ARHGEF4: variants seen among roughly 807,000 people sequenced by gnomAD.
ARHGEF4 encodes Rho guanine nucleotide exchange factor 4.
ARHGEF4 carries 119 observed loss-of-function variants against 162.0 expected under a neutral mutation model. The observed-to-expected ratio is 0.73, with a 90% CI of 0.63 to 0.86. The LOEUF (loss-of-function observed/expected upper bound fraction) is 0.86, where lower values mean the gene tolerates loss of function less well. ARHGEF4 is among the 40% of genes least tolerant of loss of function. The pLI is 0.00. For synonymous variants in ARHGEF4, 1,014 were observed against 979.9 expected (o/e 1.03, Z -0.65); for missense variants, 2,488 against 2,456.0 (o/e 1.01, Z -0.28).
intron 4 of ARHGEF4, among the ~76,000 whole-genome samples, chr2:130,966,672 G>T (rs969002408): frequency 2.6e-4 from 40 of 152,202 alleles, no homozygotes; most frequent in Admixed American, 2.5e-3. Flanking sequence ...GCAGCATGCC[G>T]GTCCGGTGGT....
chr2:131,029,903 C>T lies in ARHGEF4; in HGVS notation c.4125+1819C>T, dbSNP rs138912365. ...AGGCTGCCTCCTCCATCTTGGGGCTCGGTCCAGCAGGGGGACCCCGAGGGG... is the reference window on the plus strand; with the variant it reads ...AGGCTGCCTCCTCCATCTTGGGGCTTGGTCCAGCAGGGGGACCCCGAGGGG... On this transcript the variant is annotated intron_variant, in intron 5 of 13. Transcript: ENST00000409359. 1.9e-3 allele frequency among the ~76,000 whole-genome samples: 291 copies of T among 152,312 alleles called. 1 individual carries two copies. The highest frequency in any genetic ancestry group is 3.4e-3 in the Non-Finnish European group (232 of 68,036).
intron 1 of ARHGEF4, among the ~76,000 whole-genome samples, chr2:130,856,365 T>G (rs1158859604): frequency 6.6e-6 from 1 of 152,080 alleles, no homozygotes; most frequent in Non-Finnish European, 1.5e-5. Flanking sequence ...TTGGACACTA[T>G]TAAGTGCACC....
chr2:130,997,766 G>A (rs557642942), intron 4 of ARHGEF4, among the ~76,000 whole-genome samples: 3 of 152,276 alleles, frequency 2.0e-5, no homozygotes, highest in African/African-American at 7.2e-5. Flanking sequence ...AATGATTGAT[G>A]TGTTAGGGAA....
chr2:130,957,702 G>A (rs1239878258), intron 4 of ARHGEF4, among the ~76,000 whole-genome samples: 2 of 152,080 alleles, frequency 1.3e-5, no homozygotes, highest in African/African-American at 4.8e-5. Context: ...CATGAAGGTG[G>A]ATCCTTCATG....
chr2:130,923,527 T>C lies in ARHGEF4; in HGVS notation c.3552+6029T>C, dbSNP rs1040543517. Among the ~76,000 whole-genome samples, 9 of 152,222 alleles carry C rather than the reference T, an allele frequency of 5.9e-5. No individual in the cohort carries two copies. The East Asian group carries it at 1.5e-3, about 26-fold the overall frequency. ...CATCAAGTCGATAAACTGAGCTCGCTGAGTGCCACTTGTGGGCGGGCAATG... is the reference window on the plus strand; with the variant it reads ...CATCAAGTCGATAAACTGAGCTCGCCGAGTGCCACTTGTGGGCGGGCAATG... On this transcript the variant is annotated intron_variant, in intron 2 of 13. Coordinates refer to ENST00000409359, the MANE Select transcript of ARHGEF4 (RefSeq NM_001367493.1).
chr2:130,847,305 T>A (rs1681052022), intron 1 of ARHGEF4, among the ~76,000 whole-genome samples: 2 of 152,084 alleles, frequency 1.3e-5, no homozygotes, highest in South Asian at 2.1e-4. Flanking sequence ...CTTGAATCGC[T>A]TTTCACCTGG....
chr2:130,905,109 A>AT (rs35754721), intron 1 of ARHGEF4, among the ~76,000 whole-genome samples: 3 of 151,828 alleles, frequency 2.0e-5, no homozygotes, highest in African/African-American at 4.8e-5. Flanking sequence ...AGTATTATTT[A>AT]TTTTTTTTTA....
chr2:130,883,945 A>G (rs1679352081), intron 1 of ARHGEF4, among the ~76,000 whole-genome samples: 1 of 152,094 alleles, frequency 6.6e-6, no homozygotes, highest in Non-Finnish European at 1.5e-5. Flanking sequence ...TGAGCATTAA[A>G]TGAGTGAATT....
Position 131,043,540 on chromosome 2 carries a change from G to C in ARHGEF4, c.5114G>C (p.Arg1705Pro). Reference sequence around the variant, plus strand: ...CAGCCTCAAGCCAAAAGCCAGCAGCGAATGTTCTTTCTCTTTGACCACCAG... The same window carrying C: ...CAGCCTCAAGCCAAAAGCCAGCAGCCAATGTTCTTTCTCTTTGACCACCAG... ...VTQPQAKSQQ[R>P]MFFLFDHQLI... The change falls in exon 11 of 14, where the codon CGA becomes CCA. Residue 1705 changes from arginine (R) to proline (P), a missense_variant. Transcript: ENST00000409359. The C allele has an allele frequency of 6.2e-7, 1 of 1,614,088 alleles. No homozygotes were observed. Among genetic ancestry groups the C allele is most frequent in the South Asian group, 1.1e-5 (1 of 91,080 alleles).
intron 2 of ARHGEF4, among the ~76,000 whole-genome samples, chr2:130,922,866 G>A (rs1420796608): frequency 6.7e-5 from 10 of 150,290 alleles, no homozygotes; most frequent in Non-Finnish European, 1.3e-4. Context: ...TTGCATTGTG[G>A]GTAAATGTGC....
At chr2:131,025,194 G>A (rs1689400197) in intron 4 of ARHGEF4, among the ~76,000 whole-genome samples, 1 of 152,172 alleles carries the variant, frequency 6.6e-6, no homozygotes, top group Non-Finnish European at 1.5e-5. Context: ...GAAGGTGAAG[G>A]GGAAGCAAGT....
At chr2:130,844,140 C>T (rs1056266959) in intron 1 of ARHGEF4, among the ~76,000 whole-genome samples, 4 of 152,266 alleles carry the variant, frequency 2.6e-5, no homozygotes, top group Admixed American at 1.3e-4. Flanking sequence ...TTGCTTCTCC[C>T]GCTGAGCGCA....
At position 130,940,840 on chromosome 2, in the gene ARHGEF4, A is replaced by G. The variant is rs1477255782; in HGVS notation, c.3859-5669A>G. Among the ~76,000 whole-genome samples, 12 of 89,084 alleles carry G rather than the reference A, an allele frequency of 1.3e-4. No individual in the cohort carries two copies. In the East Asian group the frequency reaches 6.7e-3, roughly 50 times the overall value. The allele number at this position is 89,084 out of a possible 152,430, so 58.4% of individuals were successfully genotyped here. On this transcript the variant is annotated intron_variant, in intron 3 of 13. Coordinates refer to ENST00000409359, the MANE Select transcript of ARHGEF4 (RefSeq NM_001367493.1). ...GAGCGAGACTCCGTCTCAAAAAAAA[A>G]AAAAAAAAGAAAAAAAAAAAGAAAA...
In ARHGEF4 at chr2:130,996,246, G is replaced by T. The variant is rs192696438; in HGVS notation, c.3986-31699G>T. Among the ~76,000 whole-genome samples, 154 of 152,268 alleles carry T rather than the reference G, an allele frequency of 1.0e-3. 1 individual carries two copies. Among genetic ancestry groups the T allele is most frequent in the African/African-American group, 3.2e-3 (132 of 41,558 alleles). ...AGGAATGGGCACCCTGGCTCCCCAGGCAAGGCAGCCCTGCACACTCGGCTT... is the reference window on the plus strand; with the variant it reads ...AGGAATGGGCACCCTGGCTCCCCAGTCAAGGCAGCCCTGCACACTCGGCTT... On this transcript the variant is annotated intron_variant, in intron 4 of 13. Transcript: ENST00000409359.
At position 131,044,397 on chromosome 2, in the gene ARHGEF4, T is replaced by A; in HGVS notation, c.5256T>A (p.His1752Gln). The part of the protein sequence containing the change: ...DLEDGKDRDL[H>Q]VSIKNAFRLH... ...AGGACGGGAAGGACAGAGACCTCCA[T>A]GTGAGCATCAAGAACGCCTTCCGGC... Residue 1752 changes from histidine to glutamine, a missense_variant, in exon 12 of 14, where the codon CAT (histidine) becomes CAA (glutamine). Transcript: ENST00000409359. 1 of 1,586,160 alleles carries A rather than the reference T, an allele frequency of 6.3e-7. No individual in the cohort carries two copies. Among genetic ancestry groups the A allele is most frequent in the African/African-American group, 1.3e-5 (1 of 74,432 alleles).
intron 3 of ARHGEF4, among the ~76,000 whole-genome samples, chr2:130,935,535 CGT>C (rs1330432895): frequency 1.2e-4 from 19 of 152,174 alleles, no homozygotes; most frequent in Non-Finnish European, 2.6e-4. Flanking sequence ...CTCAGCATAG[CGT>C]TCACTGCATC....
At position 131,043,762 on chromosome 2, in the gene ARHGEF4, A is replaced by T. The variant is rs1235686126; in HGVS notation, c.5157+179A>T. 7.7e-6 allele frequency: 6 copies of T among 776,372 alleles called. No homozygotes were observed. In the East Asian group the frequency reaches 1.7e-4, roughly 21 times the overall value. 48.1% of individuals were successfully genotyped at this position (776,372 alleles called of 1,614,324 possible). A position where few individuals can be genotyped will look rare whatever the true frequency, so the allele number is the denominator to read the frequency against. On this transcript the variant is annotated intron_variant, in intron 11 of 13. Coordinates refer to ENST00000409359, the MANE Select transcript of ARHGEF4 (RefSeq NM_001367493.1). ...CAGGTGAGCCTGGTGGCCCAGGAGC[A>T]GCAGGCGGCTTTCACAGTCTGACCA...
chr2:130,992,636 C>T (rs986725368), intron 4 of ARHGEF4, among the ~76,000 whole-genome samples: 1 of 152,224 alleles, frequency 6.6e-6, no homozygotes, highest in South Asian at 2.1e-4. Flanking sequence ...GTAACACTCA[C>T]CGCGAGGGTC....
At chr2:130,837,831 G>T in intron 1 of ARHGEF4, 1 of 253,062 alleles carries the variant, frequency 4.0e-6, no homozygotes. Flanking sequence ...TCCAGGGGGA[G>T]GCAGACCTGT....
Sources: allele counts gnomAD v4.1 joint callset (sites outside exome capture counted in the v4.1 genomes callset), GRCh38; gene constraint gnomAD v4.1.1; transcripts MANE v1.5; gene names NCBI Gene and HGNC (gene_info 2026-07-23, HGNC 2026-07-21).